Variants in RBMS3 observed in about 807,000 individuals in gnomAD.
RBMS3 encodes the protein RNA binding motif single stranded interacting protein 3.
Under a neutral mutation model 66.8 loss-of-function variants are expected in RBMS3, and 27 were observed. That is an observed-to-expected ratio of 0.40 (90% CI 0.30 to 0.56). RBMS3 has a LOEUF of 0.56. Ranked by LOEUF, RBMS3 falls within the 20% of genes least tolerant of loss-of-function variation. RBMS3 has a pLI of 0.40. For missense variants in RBMS3, 513 were observed against 549.5 expected (o/e 0.93, Z 0.66); for synonymous variants, 188 against 183.0 (o/e 1.03, Z -0.22).
Position 29,737,347 on chromosome 3 carries a change from G to A in RBMS3, c.400-2373G>A, listed in dbSNP as rs192218087. 3.2e-4 allele frequency among the ~76,000 whole-genome samples: 48 copies of A among 152,234 alleles called. 1 individual carries two copies. The East Asian group carries it at 7.1e-3, about 23-fold the overall frequency. On this transcript the variant is annotated intron_variant, in intron 4 of 14. Coordinates refer to ENST00000383767, the MANE Select transcript of RBMS3 (RefSeq NM_001003793.3). Reference sequence around the variant, plus strand: ...TTTATTTAGAAAAATTTTAAAATAAGTAACAACCTATGACTGTCAAAAATT... The same window carrying A: ...TTTATTTAGAAAAATTTTAAAATAAATAACAACCTATGACTGTCAAAAATT...
intron 6 of RBMS3, among the ~76,000 whole-genome samples, chr3:29,798,518 G>T (rs1380144978): frequency 6.6e-6 from 1 of 152,198 alleles, no homozygotes; most frequent in East Asian, 1.9e-4. Flanking sequence ...AATCAGTTTT[G>T]TCTCTTCTTT....
rs893608411 is a variant in RBMS3 at position 30,004,692 on chromosome 3, G to C, written c.*830G>C. 2.6e-5 allele frequency: 4 copies of C among 152,178 alleles called. No individual in the cohort carries two copies. Among genetic ancestry groups the C allele is most frequent in the African/African-American group, 9.7e-5 (4 of 41,396 alleles). 9.4% of individuals were successfully genotyped at this position (152,178 alleles called of 1,614,324 possible). Reference sequence around the variant, plus strand: ...AAAGGCTAAAACATTTTACAGTAAAGTTATTAAGGTTGGTTTAAAAACAAC... The same window carrying C: ...AAAGGCTAAAACATTTTACAGTAAACTTATTAAGGTTGGTTTAAAAACAAC... On this transcript the variant is annotated 3_prime_UTR_variant, in exon 15 of 15. Transcript: ENST00000383767.
intron 6 of RBMS3, among the ~76,000 whole-genome samples, chr3:29,791,771 C>CA (rs1323052849): frequency 6.6e-6 from 1 of 152,100 alleles, no homozygotes; most frequent in Non-Finnish European, 1.5e-5. Context: ...GTGTATATCT[C>CA]AGTAGAGATT....
At chr3:29,460,997 T>G (rs1223795620) in intron 2 of RBMS3, among the ~76,000 whole-genome samples, 3 of 152,230 alleles carry the variant, frequency 2.0e-5, no homozygotes, top group African/African-American at 7.2e-5. Context: ...ATCTCACCAT[T>G]GGTTTCATCT....
chr3:29,554,320 A>G (rs936702730), intron 3 of RBMS3, among the ~76,000 whole-genome samples: 12 of 152,218 alleles, frequency 7.9e-5, no homozygotes, highest in African/African-American at 2.9e-4. Context: ...CTTTCAGCCT[A>G]TTACCAGGTT....
At chr3:29,669,150 T>C (rs2050888830) in intron 4 of RBMS3, among the ~76,000 whole-genome samples, 1 of 152,224 alleles carries the variant, frequency 6.6e-6, no homozygotes, top group African/African-American at 2.4e-5. Context: ...AGCCAGCCTG[T>C]GGTGTGGAGT....
chr3:29,328,716 T>C (rs893884926), intron 1 of RBMS3, among the ~76,000 whole-genome samples: 3 of 152,142 alleles, frequency 2.0e-5, no homozygotes, highest in Non-Finnish European at 2.9e-5. Context: ...CTGACCTCCA[T>C]TGGGTTAGAT....
chr3:30,000,802 A>G (rs1699567328), intron 14 of RBMS3, among the ~76,000 whole-genome samples: 1 of 152,062 alleles, frequency 6.6e-6, no homozygotes, highest in Non-Finnish European at 1.5e-5. Context: ...AAAACCAAAC[A>G]CTGCATATTC....
Position 29,944,953 on chromosome 3 carries a change from TAA to T in RBMS3, c.1098+701_1098+702del, listed in dbSNP as rs1262491581. 2.0e-5 allele frequency among the ~76,000 whole-genome samples: 3 copies of T among 151,786 alleles called. No homozygotes were observed. The East Asian group carries it at 5.8e-4, about 29-fold the overall frequency. On this transcript the variant is annotated intron_variant, in intron 12 of 14. Coordinates refer to ENST00000383767, the MANE Select transcript of RBMS3 (RefSeq NM_001003793.3). Reference sequence around the variant, plus strand: ...CAGTTTGTAATAGGATATGTCTATGTAAAGAGGTGGATTTTTATTTTGAACTG... The same window carrying T: ...CAGTTTGTAATAGGATATGTCTATGTAGAGGTGGATTTTTATTTTGAACTG...
chr3:29,710,231 A>G (rs1048630101), intron 4 of RBMS3, among the ~76,000 whole-genome samples: 1 of 152,168 alleles, frequency 6.6e-6, no homozygotes, highest in Non-Finnish European at 1.5e-5. Context: ...TTATTAATGC[A>G]TATTTTTATC....
At chr3:29,947,300 G>A (rs1425138710) in intron 12 of RBMS3, among the ~76,000 whole-genome samples, 1 of 151,464 alleles carries the variant, frequency 6.6e-6, no homozygotes, top group Non-Finnish European at 1.5e-5. Context: ...TGAAGTGGGG[G>A]TATCTTGCAT....
chr3:29,760,119 C>G (rs968953505), intron 5 of RBMS3, among the ~76,000 whole-genome samples: 4 of 151,992 alleles, frequency 2.6e-5, no homozygotes, highest in Non-Finnish European at 5.9e-5. Flanking sequence ...AAGATGATCA[C>G]ACTTAGAATG....
chr3:29,902,897 G>A (rs1434915170), intron 10 of RBMS3, among the ~76,000 whole-genome samples: 2 of 151,824 alleles, frequency 1.3e-5, no homozygotes, highest in Non-Finnish European at 1.5e-5. Flanking sequence ...CAGTGCTTCC[G>A]TAAAGTTCTA....
intron 6 of RBMS3, among the ~76,000 whole-genome samples, chr3:29,776,980 T>C (rs1278277419): frequency 1.3e-5 from 2 of 151,768 alleles, no homozygotes; most frequent in East Asian, 3.9e-4. Flanking sequence ...TAAACAGTGG[T>C]CCCATTTATT....
chr3:29,571,644 T>C (rs550107163), intron 3 of RBMS3, among the ~76,000 whole-genome samples: 1 of 152,290 alleles, frequency 6.6e-6, no homozygotes, highest in East Asian at 1.9e-4. Context: ...TGTCTGTTTT[T>C]ATGCCAGTAC....
intron 4 of RBMS3, among the ~76,000 whole-genome samples, chr3:29,700,672 CT>C (rs11434343): frequency 0.031 from 4,311 of 137,784 alleles, 82 homozygotes; most frequent in Admixed American, 0.069. Flanking sequence ...TTATTTCAGA[CT>C]TTTTTTTTTT....
At chr3:29,897,327 G>T (rs1384003291) in intron 8 of RBMS3, 52 bp from the exon 9 acceptor site, 1 of 1,512,680 alleles carries the variant, frequency 6.6e-7, no homozygotes, top group African/African-American at 1.4e-5. Flanking sequence ...TTTGATTAGA[G>T]GCCAGGCATG....
At chr3:29,809,274 A>G (rs560023460) in intron 6 of RBMS3, among the ~76,000 whole-genome samples, 1 of 151,782 alleles carries the variant, frequency 6.6e-6, no homozygotes, top group South Asian at 2.1e-4. Flanking sequence ...AATAAGGACT[A>G]CAACTACATA....
intron 3 of RBMS3, among the ~76,000 whole-genome samples, chr3:29,578,459 G>A (rs1251715451): frequency 6.6e-6 from 1 of 152,178 alleles, no homozygotes; most frequent in Non-Finnish European, 1.5e-5. Flanking sequence ...ATAAGAAGAT[G>A]TAGAATCCAC....
Sources: allele counts gnomAD v4.1 joint callset (sites outside exome capture counted in the v4.1 genomes callset), GRCh38; gene constraint gnomAD v4.1.1; transcripts MANE v1.5; gene names NCBI Gene and HGNC (gene_info 2026-07-23, HGNC 2026-07-21).